Variants in MAPKAPK2 observed in about 807,000 individuals in gnomAD.
MAPKAPK2 encodes the protein MAPK activated protein kinase 2, also known as MAP kinase-activated protein kinase 2.
In MAPKAPK2, 9 loss-of-function variants were observed where a neutral mutation model predicts 48.8. The ratio of observed to expected loss-of-function variants is 0.18; its 90% CI spans 0.11 to 0.32. The LOEUF (loss-of-function observed/expected upper bound fraction) is 0.32, where lower values mean the gene tolerates loss of function less well. Among genes scored for constraint, MAPKAPK2 ranks in the 10% least tolerant of loss-of-function variants. MAPKAPK2 has a pLI of 1.00. For synonymous variants in MAPKAPK2, 202 were observed against 190.6 expected (o/e 1.06, Z -0.49); for missense variants, 331 against 498.3 (o/e 0.66, Z 3.20).
At chr1:206,701,324 G>A (rs1572487252) in intron 1 of MAPKAPK2, among the ~76,000 whole-genome samples, 1 of 152,180 alleles carries the variant, frequency 6.6e-6, no homozygotes, top group Non-Finnish European at 1.5e-5. Context: ...GTGCTCAGTG[G>A]TTAGCTAGTG....
rs1472528567 is a variant in MAPKAPK2, at chr1:206,710,372, AGTT to A, written c.280-18335_280-18333del. 8.5e-5 allele frequency among the ~76,000 whole-genome samples: 13 copies of A among 152,346 alleles called. 1 individual carries two copies. The South Asian group carries it at 2.7e-3, about 32-fold the overall frequency. On this transcript the variant is annotated intron_variant, in intron 1 of 9. Coordinates refer to ENST00000367103, the MANE Select transcript of MAPKAPK2 (RefSeq NM_032960.4). ...TTCACACGCAGACAGGAAAGTGTGT[AGTT>A]GTGTTGCCTCCCTGTCTCCTAGTGA...
chr1:206,708,572 A>C (rs1239103524), intron 1 of MAPKAPK2, among the ~76,000 whole-genome samples: 1 of 152,188 alleles, frequency 6.6e-6, no homozygotes, highest in Non-Finnish European at 1.5e-5. Flanking sequence ...CTCAGCATAC[A>C]TAGGCATTAA....
chr1:206,728,586 G>T (rs1392920154), intron 1 of MAPKAPK2, 124 bp from the exon 2 acceptor site: 48 of 1,060,572 alleles, frequency 4.5e-5, no homozygotes, highest in Middle Eastern at 6.4e-4. Context: ...GGGGGCTGGT[G>T]GGGGGGGCCA....
chr1:206,716,973 TG>T (rs1673355873), intron 1 of MAPKAPK2, among the ~76,000 whole-genome samples: 1 of 152,132 alleles, frequency 6.6e-6, no homozygotes. Flanking sequence ...CCCATTTAAT[TG>T]GTAAGTGTTT....
At chr1:206,697,111 A>G (rs9659509) in intron 1 of MAPKAPK2, among the ~76,000 whole-genome samples, 8,419 of 152,174 alleles carry the variant, frequency 0.055, 543 homozygotes, top group African/African-American at 0.16. Context: ...CCCTGTTCCA[A>G]GGCCCCTCCT....
intron 3 of MAPKAPK2, 127 bp downstream of exon 3, chr1:206,729,226 G>A: frequency 1.7e-6 from 2 of 1,179,758 alleles, no homozygotes; most frequent in Non-Finnish European, 2.5e-6. Flanking sequence ...ATGCTGCAAG[G>A]GGTGCCTCAG....
At chr1:206,708,253 T>C (rs549517195) in intron 1 of MAPKAPK2, among the ~76,000 whole-genome samples, 1 of 152,366 alleles carries the variant, frequency 6.6e-6, no homozygotes, top group African/African-American at 2.4e-5. Context: ...TTCTTCCCCT[T>C]GCGCTTTCCT....
chr1:206,707,872 C>T (rs545026749), intron 1 of MAPKAPK2, among the ~76,000 whole-genome samples: 276 of 152,298 alleles, frequency 1.8e-3, no homozygotes, highest in Middle Eastern at 3.4e-3. Flanking sequence ...TTGCATTTTG[C>T]CTATGTGAAA....
Position 206,731,397 on chromosome 1 carries a change from C to T in MAPKAPK2, c.892+135C>T, listed in dbSNP as rs986883209. 45 of 1,479,240 alleles carry T rather than the reference C, an allele frequency of 3.0e-5. No homozygotes were observed. The highest frequency in any genetic ancestry group is 2.2e-4 in the Admixed American group (11 of 49,278). The allele number at this position is 1,479,240 out of a possible 1,614,324, so 91.6% of individuals were successfully genotyped here. A position where few individuals can be genotyped will look rare whatever the true frequency, so the allele number is the denominator to read the frequency against. ...AACTGTGGGTTAGCACCTATGCCCA[C>T]GCCTGCGGGGTGCGTCCTGCTTCAT... is the stretch of plus-strand genomic sequence containing the variant. On this transcript the variant is annotated intron_variant, in intron 7 of 9. Coordinates refer to ENST00000367103, the MANE Select transcript of MAPKAPK2 (RefSeq NM_032960.4). This position sits in a 1 kb window ranked among gnomAD's most constrained non-coding sequence, Gnocchi z 5.9.
In MAPKAPK2 at chr1:206,728,763, C is replaced by T; in HGVS notation, c.333C>T (p.Ala111=). The T allele has an allele frequency of 6.2e-7, 1 of 1,613,924 alleles. No individual in the cohort carries two copies. Reference sequence around the variant, plus strand: ...GGGAGGTGGAGCTGCACTGGCGGGCCTCCCAGTGCCCGCACATCGTACGGA... The same window carrying T: ...GGGAGGTGGAGCTGCACTGGCGGGCTTCCCAGTGCCCGCACATCGTACGGA... The part of the protein sequence containing the change: ...ARREVELHWR[A]SQCPHIVRIV... Residue 111 remains alanine, a synonymous_variant, in exon 2 of 10, where the codon GCC becomes GCT. Transcript: ENST00000367103.
chr1:206,731,993 G>A lies in MAPKAPK2; in HGVS notation c.1059+74G>A, dbSNP rs781906292. The A allele has an allele frequency of 1.2e-5, 19 of 1,613,990 alleles. No individual in the cohort carries two copies. The highest frequency in any genetic ancestry group is 8.8e-5 in the South Asian group (8 of 91,080). ...TGCGGGGAGTGCCCAGGTGTGAGGC[G>A]TGGTGCTGGTAGGGGAGAGCTTGAT... is the stretch of plus-strand genomic sequence containing the variant. On this transcript the variant is annotated intron_variant, in intron 9 of 9. Transcript: ENST00000367103. The surrounding 1 kb of genome is among the most constrained non-coding windows in gnomAD (Gnocchi z 5.9).
intron 1 of MAPKAPK2, among the ~76,000 whole-genome samples, chr1:206,700,993 T>A (rs1450177377): frequency 6.6e-6 from 1 of 152,196 alleles, no homozygotes; most frequent in Non-Finnish European, 1.5e-5. Context: ...AGTTTTTGTT[T>A]AGGCACTGTG....
At chr1:206,729,844 G>C (rs1349178585) in intron 4 of MAPKAPK2, 128 bp from the exon 5 acceptor site, 2 of 1,162,368 alleles carry the variant, frequency 1.7e-6, no homozygotes, top group East Asian at 4.7e-5. Flanking sequence ...CCTCGTGGTG[G>C]GCAGTGCCCA....
chr1:206,727,355 T>C, intron 1 of MAPKAPK2, among the ~76,000 whole-genome samples: 1 of 152,198 alleles, frequency 6.6e-6, no homozygotes, highest in East Asian at 1.9e-4. Context: ...AGGATGCTTT[T>C]GGCTCCAAGC....
At chr1:206,722,396 A>T (rs1673552140) in intron 1 of MAPKAPK2, among the ~76,000 whole-genome samples, 1 of 152,154 alleles carries the variant, frequency 6.6e-6, no homozygotes, top group African/African-American at 2.4e-5. Flanking sequence ...ACAAAGAAAC[A>T]AAAGAAAACT....
At chr1:206,708,999 C>T (rs534126978) in intron 1 of MAPKAPK2, among the ~76,000 whole-genome samples, 1 of 152,334 alleles carries the variant, frequency 6.6e-6, no homozygotes, top group African/African-American at 2.4e-5. Flanking sequence ...TGTTGATGGA[C>T]ATTTGGGCTG....
rs1672891384 is a variant in MAPKAPK2, at chr1:206,704,439, T to G, written c.279+18931T>G. ...TCACCCAGACCATGTGTGATGGTTA[T>G]GGTGGTGACTTCTCACTGACTGCTG... On this transcript the variant is annotated intron_variant, in intron 1 of 9. Coordinates refer to ENST00000367103, the MANE Select transcript of MAPKAPK2 (RefSeq NM_032960.4). This position sits in a 1 kb window ranked among gnomAD's most constrained non-coding sequence, Gnocchi z 4.3. Among the ~76,000 whole-genome samples, 1 of 152,228 alleles carries G rather than the reference T, an allele frequency of 6.6e-6. No homozygotes were observed. Among genetic ancestry groups the G allele is most frequent in the African/African-American group, 2.4e-5 (1 of 41,456 alleles).
At chr1:206,694,899 T>A (rs536190525) in intron 1 of MAPKAPK2, among the ~76,000 whole-genome samples, 5 of 152,294 alleles carry the variant, frequency 3.3e-5, no homozygotes, top group Admixed American at 6.5e-5. Context: ...AATGAGCATA[T>A]GTAGTAACCT....
At chr1:206,689,001 G>T (rs2102371630) in intron 1 of MAPKAPK2, among the ~76,000 whole-genome samples, 1 of 152,234 alleles carries the variant, frequency 6.6e-6, no homozygotes, top group African/African-American at 2.4e-5. Flanking sequence ...GTATTCCCCG[G>T]GAGGGTTCCT....
Sources: gnomAD v4.1 joint callset for allele counts (sites outside exome capture counted in the v4.1 genomes callset) on GRCh38, gnomAD v4.1.1 for gene constraint, Gnocchi (gnomAD v3.1) non-coding constraint, MANE v1.5 for transcripts, NCBI Gene and HGNC (gene_info 2026-07-23, HGNC 2026-07-21) for gene names.